MTMR9: variants seen among roughly 807,000 people sequenced by gnomAD.
MTMR9 encodes the protein myotubularin-related protein 9.
Under a neutral mutation model 69.5 loss-of-function variants are expected in MTMR9, and 39 were observed. That is an observed-to-expected ratio of 0.56 (90% CI 0.43 to 0.73). The LOEUF (loss-of-function observed/expected upper bound fraction) is 0.73, where lower values mean the gene tolerates loss of function less well. Among genes scored for constraint, MTMR9 ranks in the 30% least tolerant of loss-of-function variants. The pLI, the probability that MTMR9 is intolerant of heterozygous loss-of-function variation, is 0.00. For missense variants in MTMR9, 900 were observed against 671.2 expected, an observed-to-expected ratio of 1.34 and a Z score of -3.77; for synonymous variants, 354 against 240.8, an observed-to-expected ratio of 1.47 and a Z score of -4.35.
chr8:11,287,138 A>G (rs1341976500), intron 1 of MTMR9, among the ~76,000 whole-genome samples: 1 of 152,180 alleles, frequency 6.6e-6, no homozygotes, highest in Admixed American at 6.5e-5. Context: ...TAATTCCACA[A>G]CTGGAATTCA....
At chr8:11,298,673 C>T in intron 2 of MTMR9, 3 of 774,094 alleles carry the variant, frequency 3.9e-6, no homozygotes, top group Non-Finnish European at 4.7e-6. Context: ...TCCATCATTC[C>T]TGCAGTTTGA....
At chr8:11,290,315 T>C (rs1362242795) in intron 1 of MTMR9, among the ~76,000 whole-genome samples, 3 of 152,192 alleles carry the variant, frequency 2.0e-5, no homozygotes, top group Non-Finnish European at 2.9e-5. Flanking sequence ...GGGTTTATTG[T>C]CCTTCTCATG....
At chr8:11,318,363 A>G (rs971701223) in intron 8 of MTMR9, 4 of 152,394 alleles carry the variant, frequency 2.6e-5, no homozygotes, top group African/African-American at 9.6e-5. Flanking sequence ...TCCTGGGAAC[A>G]TAGCGTGGGA....
chr8:11,305,349 T>C (rs563670826), intron 4 of MTMR9, among the ~76,000 whole-genome samples: 2 of 152,310 alleles, frequency 1.3e-5, no homozygotes, highest in Admixed American at 6.5e-5. Context: ...TTCAGAATAA[T>C]GGTAAAATAC....
chr8:11,336,987 G>A, the MTMR9 span, among the ~76,000 whole-genome samples: 1 of 152,170 alleles, frequency 6.6e-6, no homozygotes, highest in East Asian at 1.9e-4. Flanking sequence ...CTAATAGCAA[G>A]CCAGAAGCTG....
chr8:11,314,882 G>A (rs1189387437), intron 6 of MTMR9, 41 bp from the exon 7 acceptor site: 8 of 1,599,658 alleles, frequency 5.0e-6, no homozygotes, highest in Non-Finnish European at 6.8e-6. Context: ...TGACCATGTT[G>A]GACATTTCCC....
chr8:11,322,499 A>G lies in MTMR9; in HGVS notation c.1487-126A>G. ...TATTTTAGAGTATAATAAAATACAG[A>G]TGTGAGTTGTGGCAACAAAAGAAAA... On this transcript the variant is annotated intron_variant, in intron 9 of 9. Coordinates refer to ENST00000221086, the MANE Select transcript of MTMR9 (RefSeq NM_015458.4). 4 of 709,212 alleles carry G rather than the reference A, an allele frequency of 5.6e-6. No homozygotes were observed. In the South Asian group the frequency reaches 7.3e-5, roughly 13 times the overall value. 43.9% of individuals were successfully genotyped at this position (709,212 alleles called of 1,614,324 possible).
downstream of MTMR9, among the ~76,000 whole-genome samples, chr8:11,329,946 A>G (rs1801133420): frequency 6.7e-6 from 1 of 149,226 alleles, no homozygotes; most frequent in Non-Finnish European, 1.5e-5. Flanking sequence ...CTGGGAGGTG[A>G]GAAGCGTCTC....
At chr8:11,305,509 A>G (rs961059153) in intron 4 of MTMR9, among the ~76,000 whole-genome samples, 1 of 152,230 alleles carries the variant, frequency 6.6e-6, no homozygotes, top group African/African-American at 2.4e-5. Flanking sequence ...ACTACCTTGT[A>G]ATGGTGGCGT....
chr8:11,302,843 A>T (rs1660477593), intron 3 of MTMR9, among the ~76,000 whole-genome samples: 1 of 152,144 alleles, frequency 6.6e-6, no homozygotes, highest in Admixed American at 6.5e-5. Context: ...TACACCAAAC[A>T]CAATTTTGAA....
chr8:11,299,204 C>T (rs1057111258), intron 2 of MTMR9, among the ~76,000 whole-genome samples: 1 of 152,082 alleles, frequency 6.6e-6, no homozygotes, highest in Non-Finnish European at 1.5e-5. Context: ...GTGGCAGGCA[C>T]CTGTAATCCC....
At chr8:11,300,242 G>A in intron 3 of MTMR9, 94 bp downstream of exon 3, 3 of 1,400,672 alleles carry the variant, frequency 2.1e-6, no homozygotes, top group South Asian at 1.3e-5. Context: ...GAGTAATAAG[G>A]TGAAGTTGAC....
At chr8:11,338,917 C>T in the MTMR9 span, among the ~76,000 whole-genome samples, 1 of 152,120 alleles carries the variant, frequency 6.6e-6, no homozygotes, top group African/African-American at 2.4e-5. Flanking sequence ...AGAAGGGAGT[C>T]CATAGCTCTT....
At chr8:11,309,404 A>T (rs562474348) in intron 5 of MTMR9, 123 bp from the exon 6 acceptor site, 1 of 771,488 alleles carries the variant, frequency 1.3e-6, no homozygotes, top group African/African-American at 1.8e-5. Context: ...AGCAGGGTAA[A>T]TATTTTTATA....
chr8:11,335,321 A>C, the MTMR9 span, among the ~76,000 whole-genome samples: 1 of 152,232 alleles, frequency 6.6e-6, no homozygotes, highest in African/African-American at 2.4e-5. Flanking sequence ...TTACATTAGC[A>C]GCTCCCCAAA....
chr8:11,303,507 C>G (rs188475149), intron 3 of MTMR9, among the ~76,000 whole-genome samples: 438 of 152,038 alleles, frequency 2.9e-3, no homozygotes, highest in African/African-American at 0.01. Flanking sequence ...AATAATAAAT[C>G]TTTAGAAACT....
At chr8:11,328,622 A>G (rs540475067), downstream of MTMR9, among the ~76,000 whole-genome samples, 7 of 152,346 alleles carry the variant, frequency 4.6e-5, no homozygotes, top group African/African-American at 1.4e-4. Flanking sequence ...ATATTATTAC[A>G]GTAATCATTG....
At chr8:11,321,700 C>G (rs751415453) in intron 9 of MTMR9, 1 of 309,916 alleles carries the variant, frequency 3.2e-6, no homozygotes, top group East Asian at 7.9e-5. Context: ...CTGCTGTTTA[C>G]ATTTACATCA....
At chr8:11,290,637 A>T (rs1799349041) in intron 1 of MTMR9, among the ~76,000 whole-genome samples, 1 of 151,990 alleles carries the variant, frequency 6.6e-6, no homozygotes, top group Admixed American at 6.6e-5. Flanking sequence ...TGTGATAAGA[A>T]CCTATTTTTC....
Sources: allele counts gnomAD v4.1 joint callset (sites outside exome capture counted in the v4.1 genomes callset), GRCh38; gene constraint gnomAD v4.1.1; transcripts MANE v1.5; gene names NCBI Gene and HGNC (gene_info 2026-07-23, HGNC 2026-07-21).